The following CDHR3 variants were observed in gnomAD, a reference collection of about 807,000 sequenced individuals.
CDHR3 encodes cadherin related family member 3, also known as cadherin-related family member 3.
Under a neutral mutation model 86.6 loss-of-function variants are expected in CDHR3, and 79 were observed. The observed-to-expected ratio is 0.91, with a 90% CI of 0.76 to 1.10. CDHR3 has a LOEUF of 1.10. CDHR3 is among the 50% of genes least tolerant of loss of function. The probability of loss-of-function intolerance (pLI) is 0.00; values close to 1 mark genes in which losing one functional copy is unlikely to be tolerated. For synonymous variants in CDHR3, 421 were observed against 402.4 expected, an observed-to-expected ratio of 1.05 and a Z score of -0.55; for missense variants, 1,081 against 1,077.6, an observed-to-expected ratio of 1.00 and a Z score of -0.04.
rs1278665277 is a variant in CDHR3, at chr7:106,035,853, T to A, written c.*3156T>A. 6.6e-6 allele frequency: 1 copy of A among 152,132 alleles called. No homozygotes were observed. Among genetic ancestry groups the A allele is most frequent in the Non-Finnish European group, 1.5e-5 (1 of 68,012 alleles). The allele number at this position is 152,132 out of a possible 1,614,324, so 9.4% of individuals were successfully genotyped here. On this transcript the variant is annotated 3_prime_UTR_variant, in exon 19 of 19. Transcript: ENST00000317716. ...CAACGAAGACTCGGCTGGCAATCAG[T>A]CTGATTGGTTACAGACAGCCAATTT...
intron 7 of CDHR3, among the ~76,000 whole-genome samples, chr7:106,002,793 AT>A (rs1414992429): frequency 6.6e-6 from 1 of 152,222 alleles, no homozygotes; most frequent in East Asian, 1.9e-4. Context: ...TTAATTAGGT[AT>A]TTTTAACATG....
intron 1 of CDHR3, among the ~76,000 whole-genome samples, chr7:105,965,769 A>G (rs1826825947): frequency 6.6e-6 from 1 of 152,124 alleles, no homozygotes; most frequent in Admixed American, 6.5e-5. Context: ...CTGCCTCCTC[A>G]ACTAGAATGT....
intron 6 of CDHR3, among the ~76,000 whole-genome samples, chr7:106,000,471 G>A (rs769839195): frequency 6.6e-6 from 1 of 152,184 alleles, no homozygotes; most frequent in South Asian, 2.1e-4. Flanking sequence ...CGAAAGGAAT[G>A]CCGTCACTTA....
Position 105,981,024 on chromosome 7 carries a change from T to G in CDHR3, c.306T>G (p.Asp102Glu). Residue 102 changes from aspartate to glutamate, a missense_variant, in exon 3 of 19, where the codon GAT becomes GAG. Asp to Glu is a conservative substitution (Grantham distance 45). Coordinates refer to ENST00000317716, the MANE Select transcript of CDHR3 (RefSeq NM_152750.5). Reference sequence around the variant, plus strand: ...TTGAAACAGGACCAAACATATTTGATTTGCAGATTTATGTGAAGGATGAGG... The same window carrying G: ...TTGAAACAGGACCAAACATATTTGAGTTGCAGATTTATGTGAAGGATGAGG... ...LDFETGPNIFDLQIYVKDEVG... is the reference protein window; with the variant it reads ...LDFETGPNIFELQIYVKDEVG... 6.2e-7 allele frequency: 1 copy of G among 1,611,982 alleles called. No homozygotes were observed.
At chr7:105,982,585 C>A (rs1829936491) in intron 3 of CDHR3, among the ~76,000 whole-genome samples, 1 of 152,066 alleles carries the variant, frequency 6.6e-6, no homozygotes, top group Non-Finnish European at 1.5e-5. Flanking sequence ...TGTGACCCAG[C>A]CTCTGGCCCC....
rs73412253 is a variant in CDHR3, at chr7:106,011,578, A to G, written c.1053-1282A>G. On this transcript the variant is annotated intron_variant, in intron 8 of 18. Transcript: ENST00000317716. ...AACTAAAACCGAAAGGACTGTGGGA[A>G]AACCTATAGTACTGTGAGAAACCAT... Among the ~76,000 whole-genome samples the G allele has an allele frequency of 5.4e-3, 828 of 152,284 alleles. 12 individuals are homozygous for G. The highest frequency in any genetic ancestry group is 0.019 in the African/African-American group (788 of 41,558).
intron 4 of CDHR3, among the ~76,000 whole-genome samples, chr7:105,986,638 C>T (rs1331361037): frequency 1.3e-5 from 2 of 152,064 alleles, no homozygotes; most frequent in African/African-American, 4.8e-5. Context: ...AATGGGCAGT[C>T]GTGTAGAATC....
At chr7:106,017,775 A>G in intron 11 of CDHR3, 71 bp from the exon 12 acceptor site, 1 of 1,255,154 alleles carries the variant, frequency 8.0e-7, no homozygotes, top group South Asian at 1.3e-5. Context: ...GGCAGTTAGG[A>G]CATCTGTTCC....
intron 7 of CDHR3, among the ~76,000 whole-genome samples, chr7:106,003,989 CAAAAAAAAA>C (rs55815648): frequency 6.3e-5 from 5 of 79,978 alleles, no homozygotes; most frequent in African/African-American, 1.4e-4. Context: ...CCAACCTAAC[CAAAAAAAAA>C]AAAAAAAAAA....
Position 106,012,886 on chromosome 7 carries a change from A to G in CDHR3, c.1079A>G (p.Lys360Arg). 6.2e-7 allele frequency: 1 copy of G among 1,610,720 alleles called. No homozygotes were observed. Residue 360 changes from lysine to arginine, a missense_variant, in exon 9 of 19, where the codon AAG (lysine) becomes AGG (arginine). By Grantham distance (26) the Lys-to-Arg change is conservative (BLOSUM62 2). Transcript: ENST00000317716. ...ATTATGGTGCCGGAAAGAACAGCCA[A>G]GGGGACGTTGCTTCTTGACCTAAAC... ...FSIMVPERTA[K>R]GTLLLDLNKF... is the part of the protein sequence containing the mutation.
intron 4 of CDHR3, among the ~76,000 whole-genome samples, chr7:105,990,837 G>A (rs1244749460): frequency 1.3e-5 from 2 of 152,290 alleles, no homozygotes; most frequent in East Asian, 1.9e-4. Flanking sequence ...GTACCCCAGG[G>A]AGCTGACATT....
intron 14 of CDHR3, among the ~76,000 whole-genome samples, chr7:106,022,965 G>T (rs900952380): frequency 5.9e-5 from 9 of 152,118 alleles, no homozygotes; most frequent in African/African-American, 1.7e-4. Flanking sequence ...TACAAATATC[G>T]ATTTAATGCC....
rs1200278244 is a variant in CDHR3, at chr7:105,980,617, TTTTTAA to T, written c.250-346_250-341del. 9.6e-4 allele frequency among the ~76,000 whole-genome samples: 85 copies of T among 88,928 alleles called. 1 individual carries two copies. Among genetic ancestry groups the T allele is most frequent in the Non-Finnish European group, 1.7e-3 (79 of 45,648 alleles). The allele number at this position is 88,928 out of a possible 152,430, so 58.3% of individuals were successfully genotyped here. ...TTTTTTTTTTTTTTAATTTTTTTTTTTTTTAATTTTTTTTTTTTTTTATTATACTCT... is the reference window on the plus strand; with the variant it reads ...TTTTTTTTTTTTTTAATTTTTTTTTTTTTTTTTTTTTTTTTATTATACTCT... On this transcript the variant is annotated intron_variant, in intron 2 of 18. Coordinates refer to ENST00000317716, the MANE Select transcript of CDHR3 (RefSeq NM_152750.5).
chr7:105,984,924 T>A (rs1203585137), intron 4 of CDHR3, among the ~76,000 whole-genome samples: 1 of 152,052 alleles, frequency 6.6e-6, no homozygotes, highest in Non-Finnish European at 1.5e-5. Flanking sequence ...CTGGGCATGA[T>A]GGTGCGTGCT....
rs1838087131 is a variant in CDHR3, at chr7:106,030,006, G to C, written c.2305-786G>C. Among the ~76,000 whole-genome samples the C allele has an allele frequency of 6.6e-6, 1 of 152,218 alleles. No individual in the cohort carries two copies. The highest frequency in any genetic ancestry group is 1.5e-5 in the Non-Finnish European group (1 of 68,042). ...ATAATCCCCATTTCCTCTCTCTTCAGAGTTGGGGAGTTGTGGGGAACTAGG... is the reference window on the plus strand; with the variant it reads ...ATAATCCCCATTTCCTCTCTCTTCACAGTTGGGGAGTTGTGGGGAACTAGG... On this transcript the variant is annotated intron_variant, in intron 17 of 18. Transcript: ENST00000317716. The surrounding 1 kb of genome is among the most constrained non-coding windows in gnomAD (Gnocchi z 4.8).
intron 1 of CDHR3, among the ~76,000 whole-genome samples, chr7:105,967,023 T>A (rs937558275): frequency 6.6e-6 from 1 of 152,144 alleles, no homozygotes; most frequent in Non-Finnish European, 1.5e-5. Flanking sequence ...GTTACATATG[T>A]ATACATGTGC....
At chr7:105,994,509 G>C (rs915703545) in intron 4 of CDHR3, among the ~76,000 whole-genome samples, 2 of 152,156 alleles carry the variant, frequency 1.3e-5, no homozygotes, top group Non-Finnish European at 2.9e-5. Flanking sequence ...GCTTTCTGTA[G>C]TTAGAACAAG....
intron 6 of CDHR3, among the ~76,000 whole-genome samples, chr7:105,996,807 A>G (rs143181458): frequency 1.3e-3 from 195 of 152,262 alleles, no homozygotes; most frequent in African/African-American, 4.5e-3. Context: ...TGGCTGCTCT[A>G]AAGTTTCTTC....
At chr7:105,987,953 C>T (rs919155647) in intron 4 of CDHR3, among the ~76,000 whole-genome samples, 1 of 152,230 alleles carries the variant, frequency 6.6e-6, no homozygotes, top group African/African-American at 2.4e-5. Flanking sequence ...TACACTGGTG[C>T]AATCACAGCT....
Sources: gnomAD v4.1 joint callset for allele counts (sites outside exome capture counted in the v4.1 genomes callset) on GRCh38, gnomAD v4.1.1 for gene constraint, Gnocchi (gnomAD v3.1) non-coding constraint, MANE v1.5 for transcripts, NCBI Gene and HGNC (gene_info 2026-07-23, HGNC 2026-07-21) for gene names.